DUSP16: variants seen among roughly 807,000 people sequenced by gnomAD.
DUSP16 encodes dual specificity phosphatase 16.
Under a neutral mutation model 58.3 loss-of-function variants are expected in DUSP16, and 21 were observed. That is an observed-to-expected ratio of 0.36 (90% CI 0.26 to 0.52). The LOEUF is 0.52. Ranked by LOEUF, DUSP16 falls within the 20% of genes least tolerant of loss-of-function variation. DUSP16 has a pLI of 0.94. For synonymous variants in DUSP16, 320 were observed against 323.8 expected, an observed-to-expected ratio of 0.99 and a Z score of 0.12; for missense variants, 726 against 819.0, an observed-to-expected ratio of 0.89 and a Z score of 1.39.
In DUSP16 at chr12:12,540,757, CAAAT is replaced by C. The variant is rs749261475; in HGVS notation, c.-365-19298_-365-19295del. On this transcript the variant is annotated intron_variant, in intron 1 of 6. Transcript: ENST00000298573. ...GTGCTACACAATCTCTTTGTATTCA[CAAAT>C]AACCCCTGGTCAAGAGGTTTGGAGG... Among the ~76,000 whole-genome samples, 60 of 151,988 alleles carry C rather than the reference CAAAT, an allele frequency of 3.9e-4. 1 individual carries two copies. The highest frequency in any genetic ancestry group is 7.4e-5 in the Non-Finnish European group (5 of 67,994).
chr12:12,478,159 C>A, intron 6 of DUSP16, 144 bp from the exon 7 acceptor site: 1 of 770,944 alleles, frequency 1.3e-6, no homozygotes, highest in Non-Finnish European at 2.1e-6. Context: ...CGGGGAGATG[C>A]TTCAAGGTGG....
At chr12:12,486,199 A>G (rs973237555) in intron 5 of DUSP16, among the ~76,000 whole-genome samples, 6 of 151,916 alleles carry the variant, frequency 3.9e-5, no homozygotes, top group African/African-American at 1.5e-4. Flanking sequence ...TAACTGGGGG[A>G]AAAAAAATTC....
chr12:12,539,565 T>C (rs1337593477), intron 1 of DUSP16, among the ~76,000 whole-genome samples: 3 of 152,132 alleles, frequency 2.0e-5, no homozygotes, highest in African/African-American at 7.2e-5. Context: ...CACCCAGGAA[T>C]TTCCCATTAC....
At chr12:12,507,464 T>C (rs1222518071) in intron 3 of DUSP16, among the ~76,000 whole-genome samples, 2 of 152,218 alleles carry the variant, frequency 1.3e-5, no homozygotes, top group East Asian at 1.9e-4. Context: ...TCCATGGTTA[T>C]ACAAAGAAAT....
At chr12:12,520,394 GAAGA>G (rs1428639279) in intron 2 of DUSP16, among the ~76,000 whole-genome samples, 2 of 152,200 alleles carry the variant, frequency 1.3e-5, no homozygotes, top group African/African-American at 4.8e-5. Context: ...TTGTATTTGT[GAAGA>G]AAAAAACCAA....
intron 1 of DUSP16, among the ~76,000 whole-genome samples, chr12:12,527,269 A>G (rs1285030306): frequency 6.6e-6 from 1 of 152,236 alleles, no homozygotes; most frequent in Non-Finnish European, 1.5e-5. Context: ...ACAGGCTTTC[A>G]ATAACAGGAA....
chr12:12,516,504 T>C (rs928218793), intron 3 of DUSP16, among the ~76,000 whole-genome samples: 7 of 152,244 alleles, frequency 4.6e-5, no homozygotes, highest in African/African-American at 7.2e-5. Flanking sequence ...GCTAGATTTC[T>C]AGGGTTGTTA....
chr12:12,557,326 A>G (rs1172930612), intron 1 of DUSP16, among the ~76,000 whole-genome samples: 1 of 151,874 alleles, frequency 6.6e-6, no homozygotes, highest in African/African-American at 2.4e-5. Context: ...GTGCGGTGGC[A>G]CACGCCTGTA....
At chr12:12,560,222 G>A (rs1007769088) in intron 1 of DUSP16, among the ~76,000 whole-genome samples, 5 of 151,824 alleles carry the variant, frequency 3.3e-5, no homozygotes, top group Admixed American at 2.0e-4. Context: ...TGATATAGCA[G>A]AGGTTAATAC....
chr12:12,490,736 G>C (rs752452660), intron 4 of DUSP16, among the ~76,000 whole-genome samples: 19 of 152,106 alleles, frequency 1.2e-4, no homozygotes, highest in Non-Finnish European at 2.5e-4. Flanking sequence ...AACACTATCA[G>C]TGCCAAAGCC....
chr12:12,555,495 T>C (rs1056064492), intron 1 of DUSP16, among the ~76,000 whole-genome samples: 1 of 152,214 alleles, frequency 6.6e-6, no homozygotes, highest in African/African-American at 2.4e-5. Flanking sequence ...CAACGCACAC[T>C]GTAAGTAGCA....
chr12:12,555,359 TAG>T (rs1194374796), intron 1 of DUSP16, among the ~76,000 whole-genome samples: 5 of 152,278 alleles, frequency 3.3e-5, no homozygotes, highest in Admixed American at 3.3e-4. Context: ...TGCTCTAAGC[TAG>T]AGATATAATG....
At chr12:12,504,001 A>G (rs559209349) in intron 3 of DUSP16, among the ~76,000 whole-genome samples, 1 of 152,230 alleles carries the variant, frequency 6.6e-6, no homozygotes, top group Non-Finnish European at 1.5e-5. Context: ...ATATTGGTAT[A>G]TAAGTGCCCA....
intron 3 of DUSP16, among the ~76,000 whole-genome samples, chr12:12,513,279 G>A (rs1944103878): frequency 6.6e-6 from 1 of 152,088 alleles, no homozygotes; most frequent in Non-Finnish European, 1.5e-5. Flanking sequence ...GATCTCTTCT[G>A]GCTAACATAG....
intron 3 of DUSP16, among the ~76,000 whole-genome samples, chr12:12,516,523 T>A (rs1056693590): frequency 5.9e-5 from 9 of 152,240 alleles, no homozygotes; most frequent in Non-Finnish European, 1.0e-4. Flanking sequence ...TAGCTCTTTA[T>A]CAAATATCAG....
chr12:12,528,739 C>G (rs1028657798), intron 1 of DUSP16, among the ~76,000 whole-genome samples: 1 of 152,072 alleles, frequency 6.6e-6, no homozygotes, highest in African/African-American at 2.4e-5. Context: ...AAATTACTGC[C>G]TTTCTGGAGC....
chr12:12,551,552 C>T (rs941952396), intron 1 of DUSP16, among the ~76,000 whole-genome samples: 1 of 150,526 alleles, frequency 6.6e-6, no homozygotes, highest in East Asian at 1.9e-4. Flanking sequence ...AACTTGAATT[C>T]GCCACCAAGA....
intron 1 of DUSP16, among the ~76,000 whole-genome samples, chr12:12,524,664 T>C (rs1309637678): frequency 1.3e-5 from 2 of 152,184 alleles, no homozygotes; most frequent in Non-Finnish European, 2.9e-5. Context: ...GGAATAAAAA[T>C]TTTTACAATG....
chr12:12,539,081 C>T (rs773823553), intron 1 of DUSP16, among the ~76,000 whole-genome samples: 41 of 152,074 alleles, frequency 2.7e-4, no homozygotes, highest in Non-Finnish European at 5.6e-4. Context: ...ATTTTTCACA[C>T]GAACAAGCAG....
Sources: gnomAD v4.1 joint callset for allele counts (sites outside exome capture counted in the v4.1 genomes callset) on GRCh38, gnomAD v4.1.1 for gene constraint, MANE v1.5 for transcripts, NCBI Gene and HGNC (gene_info 2026-07-23, HGNC 2026-07-21) for gene names.